The following NLGN1 variants were observed in gnomAD, a reference collection of about 807,000 sequenced individuals.
NLGN1 encodes neuroligin-1.
A neutral mutation model predicts 65.5 loss-of-function variants in NLGN1; 12 were observed. The observed-to-expected ratio is 0.18, with a 90% CI of 0.12 to 0.30. The LOEUF (loss-of-function observed/expected upper bound fraction) is 0.30. NLGN1 is among the 10% of genes least tolerant of loss of function. The probability of loss-of-function intolerance (pLI) is 1.00; values close to 1 mark genes in which losing one functional copy is unlikely to be tolerated. For synonymous variants in NLGN1, 350 were observed against 359.5 expected (o/e 0.97, Z 0.30); for missense variants, 750 against 1,007.1 (o/e 0.74, Z 3.46).
At chr3:173,448,752 T>C (rs528769083) in intron 2 of NLGN1, among the ~76,000 whole-genome samples, 2 of 152,290 alleles carry the variant, frequency 1.3e-5, no homozygotes, top group East Asian at 1.9e-4. Context: ...CTGTTATTGG[T>C]CTATTCAGAG....
chr3:173,405,040 G>C (rs1391927122), intron 1 of NLGN1, among the ~76,000 whole-genome samples: 1 of 152,024 alleles, frequency 6.6e-6, no homozygotes, highest in Non-Finnish European at 1.5e-5. Flanking sequence ...ATATTAGCAA[G>C]ATGCATTAGC....
At chr3:173,405,120 T>C (rs1022392091) in intron 1 of NLGN1, among the ~76,000 whole-genome samples, 2 of 152,152 alleles carry the variant, frequency 1.3e-5, no homozygotes, top group Non-Finnish European at 2.9e-5. Flanking sequence ...TTCATAGCCA[T>C]GTTTTTCCAC....
chr3:173,527,375 A>G (rs1421171606), intron 2 of NLGN1, among the ~76,000 whole-genome samples: 1 of 152,058 alleles, frequency 6.6e-6, no homozygotes, highest in East Asian at 1.9e-4. Flanking sequence ...AGAAATACCT[A>G]TTCAGAATTT....
intron 2 of NLGN1, among the ~76,000 whole-genome samples, chr3:173,555,845 T>C (rs1027452569): frequency 3.3e-5 from 5 of 152,176 alleles, no homozygotes; most frequent in Non-Finnish European, 5.9e-5. Flanking sequence ...TATACTCTTA[T>C]GTTATCTGAA....
At chr3:173,811,146 A>G (rs1308615855) in intron 4 of NLGN1, among the ~76,000 whole-genome samples, 1 of 152,124 alleles carries the variant, frequency 6.6e-6, no homozygotes. Context: ...AACTTTCCAT[A>G]TTTGCTTTCT....
rs529044263 is a variant in NLGN1 at position 173,508,205 on chromosome 3, T to C, written c.-321+73127T>C. Among the ~76,000 whole-genome samples, 4 of 152,306 alleles carry C rather than the reference T, an allele frequency of 2.6e-5. No homozygotes were observed. In the South Asian group the frequency reaches 8.3e-4, roughly 32 times the overall value. Reference sequence around the variant, plus strand: ...TGGCTTTTTCTTCTTCTCTTTGTAATTTTGGTTCATAATGTTAGTGTTATG... The same window carrying C: ...TGGCTTTTTCTTCTTCTCTTTGTAACTTTGGTTCATAATGTTAGTGTTATG... On this transcript the variant is annotated intron_variant, in intron 2 of 6. Transcript: ENST00000457714.
intron 2 of NLGN1, among the ~76,000 whole-genome samples, chr3:173,599,256 G>A (rs987757414): frequency 2.6e-5 from 4 of 152,098 alleles, no homozygotes; most frequent in Non-Finnish European, 5.9e-5. Flanking sequence ...GCTGAAAGGC[G>A]TCAAACAGTT....
At chr3:174,004,250 A>C (rs1368244281) in intron 4 of NLGN1, among the ~76,000 whole-genome samples, 4 of 152,146 alleles carry the variant, frequency 2.6e-5, no homozygotes, top group African/African-American at 9.7e-5. Flanking sequence ...TTATTAATAC[A>C]AACTATCAGA....
intron 2 of NLGN1, among the ~76,000 whole-genome samples, chr3:173,529,967 T>C (rs1736289040): frequency 7.4e-6 from 1 of 135,236 alleles, no homozygotes; most frequent in East Asian, 2.0e-4. Context: ...TTTCTTTTCC[T>C]TTTTTTTTTA....
intron 3 of NLGN1, among the ~76,000 whole-genome samples, chr3:173,622,178 A>C (rs1055938172): frequency 6.6e-5 from 10 of 152,134 alleles, no homozygotes; most frequent in Admixed American, 3.9e-4. Context: ...AGGCTGTCTG[A>C]GTATAATTTT....
At chr3:174,145,584 A>G (rs1391950924) in intron 4 of NLGN1, among the ~76,000 whole-genome samples, 2 of 152,148 alleles carry the variant, frequency 1.3e-5, no homozygotes, top group Non-Finnish European at 2.9e-5. Context: ...AAAAACATAT[A>G]TTACACCTGC....
At chr3:174,003,237 A>G (rs1723665780) in intron 4 of NLGN1, among the ~76,000 whole-genome samples, 1 of 152,216 alleles carries the variant, frequency 6.6e-6, no homozygotes, top group Admixed American at 6.5e-5. Flanking sequence ...TGACTATTGC[A>G]AAGGTTATTT....
intron 3 of NLGN1, among the ~76,000 whole-genome samples, chr3:173,701,346 G>C (rs574254755): frequency 1.6e-4 from 25 of 152,262 alleles, no homozygotes; most frequent in African/African-American, 5.5e-4. Flanking sequence ...AGGAATCCTT[G>C]TAAGAGGGAG....
intron 2 of NLGN1, among the ~76,000 whole-genome samples, chr3:173,599,562 C>G (rs987788757): frequency 1.3e-5 from 2 of 152,126 alleles, no homozygotes; most frequent in Non-Finnish European, 2.9e-5. Context: ...TCACCACACT[C>G]TGCTGAAACC....
At chr3:174,030,220 G>A (rs915074456) in intron 4 of NLGN1, among the ~76,000 whole-genome samples, 2 of 150,992 alleles carry the variant, frequency 1.3e-5, no homozygotes, top group African/African-American at 4.9e-5. Flanking sequence ...CCACCTCCGA[G>A]GTTCAAGCGA....
chr3:173,477,947 T>C (rs1009929774), intron 2 of NLGN1, among the ~76,000 whole-genome samples: 4 of 152,330 alleles, frequency 2.6e-5, no homozygotes, highest in African/African-American at 7.2e-5. Context: ...GCTTTTATAC[T>C]GTTGGTGTGA....
chr3:173,808,121 A>T (rs1025189842), intron 4 of NLGN1, among the ~76,000 whole-genome samples: 7 of 152,136 alleles, frequency 4.6e-5, no homozygotes, highest in Admixed American at 1.3e-4. Context: ...TCTTTGAACA[A>T]ATATTTCCTT....
At position 173,964,546 on chromosome 3, in the gene NLGN1, A is replaced by T. The variant is rs78436602; in HGVS notation, c.646+156714A>T. Among the ~76,000 whole-genome samples, 220 of 152,128 alleles carry T rather than the reference A, an allele frequency of 1.4e-3. 3 individuals are homozygous for T. The East Asian group carries it at 0.031, about 22-fold the overall frequency. On this transcript the variant is annotated intron_variant, in intron 4 of 6. Transcript: ENST00000457714. ...TTATACTTTCTGGTGATAGAATATC[A>T]AAGCAGTTCTTAACAGCATCCTGAG...
chr3:174,210,752 CATA>C (rs1440180929), intron 4 of NLGN1, among the ~76,000 whole-genome samples: 1 of 152,216 alleles, frequency 6.6e-6, no homozygotes, highest in African/African-American at 2.4e-5. Context: ...TTACATGCCA[CATA>C]ATGACATTTT....
Sources: allele counts gnomAD v4.1 joint callset (sites outside exome capture counted in the v4.1 genomes callset), GRCh38; gene constraint gnomAD v4.1.1; transcripts MANE v1.5; gene names NCBI Gene and HGNC (gene_info 2026-07-23, HGNC 2026-07-21).